Variants in SNX29 observed in about 807,000 individuals in gnomAD.
SNX29 encodes sorting nexin 29.
In SNX29, 78 loss-of-function variants were observed where a neutral mutation model predicts 102.1. The ratio of observed to expected loss-of-function variants is 0.76; its 90% confidence interval spans 0.64 to 0.92. The LOEUF (loss-of-function observed/expected upper bound fraction) is 0.92, where lower values mean the gene tolerates loss of function less well. SNX29 is among the 40% of genes least tolerant of loss of function. The probability of loss-of-function intolerance (pLI) is 0.00; values close to 1 mark genes in which losing one functional copy is unlikely to be tolerated. For synonymous variants in SNX29, 580 were observed against 414.5 expected, an observed-to-expected ratio of 1.40 and a Z score of -4.85; for missense variants, 1,280 against 1,061.7, an observed-to-expected ratio of 1.21 and a Z score of -2.86.
At chr16:12,502,342 A>G (rs938694977) in intron 19 of SNX29, among the ~76,000 whole-genome samples, 2 of 152,136 alleles carry the variant, frequency 1.3e-5, no homozygotes, top group Non-Finnish European at 2.9e-5. Flanking sequence ...AGACGGTGGC[A>G]TCTCCCTTAC....
intron 15 of SNX29, among the ~76,000 whole-genome samples, chr16:12,351,258 T>C (rs1205011657): frequency 2.6e-5 from 4 of 152,198 alleles, no homozygotes; most frequent in African/African-American, 9.7e-5. Flanking sequence ...CTAGGTTCAC[T>C]TTTTAACAAA....
intron 20 of SNX29, among the ~76,000 whole-genome samples, chr16:12,560,214 A>T (rs930704015): frequency 8.7e-5 from 13 of 149,674 alleles, no homozygotes; most frequent in African/African-American, 3.2e-4. Flanking sequence ...AAGAGCAACT[A>T]CACAGCCAGA....
At chr16:12,460,109 A>G (rs544359608) in intron 18 of SNX29, among the ~76,000 whole-genome samples, 2 of 152,304 alleles carry the variant, frequency 1.3e-5, no homozygotes, top group South Asian at 4.1e-4. Flanking sequence ...TCAGAAGGTG[A>G]CATGCTAGTG....
chr16:11,986,605 C>T (rs1382946820), intron 1 of SNX29, among the ~76,000 whole-genome samples: 7 of 152,198 alleles, frequency 4.6e-5, no homozygotes, highest in African/African-American at 9.7e-5. Context: ...CTTCTCTTCA[C>T]GATTCTTTGA....
chr16:12,528,931 T>G (rs8063398), intron 20 of SNX29, among the ~76,000 whole-genome samples: 120 of 152,348 alleles, frequency 7.9e-4, no homozygotes, highest in African/African-American at 2.8e-3. Context: ...CTCACAAATA[T>G]TACTTAAAAC....
At chr16:12,392,496 C>A (rs768496266) in intron 16 of SNX29, among the ~76,000 whole-genome samples, 21 of 152,166 alleles carry the variant, frequency 1.4e-4, no homozygotes, top group Non-Finnish European at 2.9e-4. Flanking sequence ...GTCTGTCCAT[C>A]CAGTGGGAAC....
rs1209160768 is a variant in SNX29 at position 12,572,445 on chromosome 16, C to T, written c.*3816C>T. On this transcript the variant is annotated 3_prime_UTR_variant, in exon 21 of 21. Coordinates refer to ENST00000566228, the MANE Select transcript of SNX29 (RefSeq NM_032167.5). Reference sequence around the variant, plus strand: ...CCGGCAGTGGCTGCCTCTCTTGGTTCTGCATGGTACATTTTGCCAACCCTG... The same window carrying T: ...CCGGCAGTGGCTGCCTCTCTTGGTTTTGCATGGTACATTTTGCCAACCCTG... The T allele has an allele frequency of 1.4e-5, 15 of 1,063,114 alleles. No homozygotes were observed. Among genetic ancestry groups the T allele is most frequent in the Non-Finnish European group, 1.6e-5 (14 of 877,978 alleles). The allele number at this position is 1,063,114 out of a possible 1,614,324, so 65.9% of individuals were successfully genotyped here. A position where few individuals can be genotyped will look rare whatever the true frequency, so the allele number is the denominator to read the frequency against.
rs192068492 is a variant in SNX29 at position 12,476,423 on chromosome 16, T to C, written c.2038-1296T>C. ...ATATATATATATATACATATATATATATATATATATATATATATATGATGA... is the reference window on the plus strand; with the variant it reads ...ATATATATATATATACATATATATACATATATATATATATATATATGATGA... On this transcript the variant is annotated intron_variant, in intron 18 of 20. Transcript: ENST00000566228. Among the ~76,000 whole-genome samples the C allele has an allele frequency of 9.3e-3, 686 of 73,852 alleles. 9 individuals are homozygous for C. The highest frequency in any genetic ancestry group is 0.033 in the Middle Eastern group (4 of 120). 48.4% of individuals were successfully genotyped at this position (73,852 alleles called of 152,430 possible). A position where few individuals can be genotyped will look rare whatever the true frequency, so the allele number is the denominator to read the frequency against.
intron 14 of SNX29, among the ~76,000 whole-genome samples, chr16:12,212,316 G>A (rs972249730): frequency 8.5e-5 from 13 of 152,322 alleles, no homozygotes; most frequent in Admixed American, 3.3e-4. Flanking sequence ...CAGGGTTGGC[G>A]GAAAGCAGAA....
At chr16:12,134,094 G>A (rs1385721261) in intron 13 of SNX29, among the ~76,000 whole-genome samples, 3 of 152,112 alleles carry the variant, frequency 2.0e-5, no homozygotes, top group South Asian at 2.1e-4. Flanking sequence ...TGAAATAATC[G>A]ATTGCCTTGT....
chr16:12,432,447 T>C (rs1028338407), intron 18 of SNX29, among the ~76,000 whole-genome samples: 6 of 152,060 alleles, frequency 3.9e-5, no homozygotes, highest in African/African-American at 9.7e-5. Flanking sequence ...CAGGCTGGTA[T>C]GGGGAGTGCT....
At chr16:12,419,641 G>C (rs926831649) in intron 18 of SNX29, among the ~76,000 whole-genome samples, 21 of 152,104 alleles carry the variant, frequency 1.4e-4, no homozygotes, top group African/African-American at 5.1e-4. Flanking sequence ...GGCAGGGGTG[G>C]TGGGTTGCAG....
intron 1 of SNX29, among the ~76,000 whole-genome samples, chr16:11,994,105 G>T (rs1200147908): frequency 6.6e-6 from 1 of 152,130 alleles, no homozygotes; most frequent in Non-Finnish European, 1.5e-5. Flanking sequence ...TGGGTGACAA[G>T]AGCAAGACTC....
intron 11 of SNX29, among the ~76,000 whole-genome samples, chr16:12,119,664 C>G (rs1389437940): frequency 6.6e-6 from 1 of 152,236 alleles, no homozygotes; most frequent in Non-Finnish European, 1.5e-5. Flanking sequence ...TGGTGTGAGT[C>G]CTGAGGCTGT....
chr16:12,322,761 GA>G (rs2080981320), intron 15 of SNX29, among the ~76,000 whole-genome samples: 1 of 150,996 alleles, frequency 6.6e-6, no homozygotes, highest in African/African-American at 2.4e-5. Context: ...GTTACTGGGG[GA>G]CCACCGTCAG....
chr16:12,553,453 G>C (rs746153093), intron 20 of SNX29, among the ~76,000 whole-genome samples: 6 of 152,162 alleles, frequency 3.9e-5, no homozygotes, highest in Non-Finnish European at 7.4e-5. Context: ...GCATGGTGTA[G>C]ACCAGCTCAG....
chr16:12,565,318 T>C (rs900531358), intron 20 of SNX29, among the ~76,000 whole-genome samples: 1 of 152,208 alleles, frequency 6.6e-6, no homozygotes, highest in Non-Finnish European at 1.5e-5. Context: ...AAGTCCACTG[T>C]GCTCAGCAGT....
intron 20 of SNX29, among the ~76,000 whole-genome samples, chr16:12,567,701 G>T (rs564755582): frequency 1.3e-5 from 2 of 152,174 alleles, no homozygotes; most frequent in African/African-American, 2.4e-5. Flanking sequence ...GATCGAGGCT[G>T]CAGCAAGTTA....
At chr16:12,191,388 G>A (rs780636562) in intron 13 of SNX29, among the ~76,000 whole-genome samples, 5 of 152,290 alleles carry the variant, frequency 3.3e-5, no homozygotes, top group Non-Finnish European at 5.9e-5. Flanking sequence ...TCTGCCACTT[G>A]TCAGCTTGTC....
Sources: allele counts gnomAD v4.1 joint callset (sites outside exome capture counted in the v4.1 genomes callset), GRCh38; gene constraint gnomAD v4.1.1; transcripts MANE v1.5; gene names NCBI Gene and HGNC (gene_info 2026-07-23, HGNC 2026-07-21).